PLCB1: variants seen among roughly 807,000 people sequenced by gnomAD.
The protein encoded by PLCB1 is phospholipase C beta 1, also known as 1-phosphatidylinositol 4,5-bisphosphate phosphodiesterase beta-1.
Under a neutral mutation model 161.8 loss-of-function variants are expected in PLCB1, and 46 were observed. That is an observed-to-expected ratio of 0.28 (90% CI 0.22 to 0.36). The LOEUF (loss-of-function observed/expected upper bound fraction) is 0.36, where lower values mean the gene tolerates loss of function less well. Ranked by LOEUF, PLCB1 falls within the 10% of genes least tolerant of loss-of-function variation. The pLI is 1.00. For missense variants in PLCB1, 1,016 were observed against 1,472.5 expected (o/e 0.69, Z 5.07); for synonymous variants, 517 against 503.7 (o/e 1.03, Z -0.35).
At chr20:8,620,676 C>A (rs6077394) in intron 3 of PLCB1, among the ~76,000 whole-genome samples, 10,156 of 147,612 alleles carry the variant, frequency 0.069, 778 homozygotes, top group African/African-American at 0.2. Context: ...GAGGTAGAGG[C>A]TGCAGTGAAC....
chr20:8,310,356 TG>T (rs1264461224), intron 2 of PLCB1, among the ~76,000 whole-genome samples: 1 of 152,360 alleles, frequency 6.6e-6, no homozygotes, highest in Admixed American at 6.5e-5. Flanking sequence ...GAAGTTCAAC[TG>T]TTAGTCCCAA....
chr20:8,875,485 ATATT>A (rs1236229271), intron 31 of PLCB1, among the ~76,000 whole-genome samples: 2 of 134,960 alleles, frequency 1.5e-5, no homozygotes, highest in Non-Finnish European at 3.2e-5. Flanking sequence ...ATATTATAAA[ATATT>A]TATATAACAT....
At chr20:8,747,897 G>T (rs572742899) in intron 23 of PLCB1, among the ~76,000 whole-genome samples, 63 of 152,016 alleles carry the variant, frequency 4.1e-4, no homozygotes, top group Non-Finnish European at 7.5e-4. Flanking sequence ...AAAAATCCAA[G>T]GTAGTGCTTT....
intron 3 of PLCB1, among the ~76,000 whole-genome samples, chr20:8,548,335 CTT>C (rs778317868): frequency 2.4e-4 from 23 of 94,804 alleles, no homozygotes; most frequent in East Asian, 4.9e-4. Flanking sequence ...TTTTCTTTCT[CTT>C]TGTTTCTTTC....
At chr20:8,821,514 T>C (rs1985402060) in intron 31 of PLCB1, among the ~76,000 whole-genome samples, 1 of 3,792 alleles carries the variant, frequency 2.6e-4, no homozygotes, top group Non-Finnish European at 4.4e-4. Flanking sequence ...TATATATATA[T>C]ATATATATAT....
intron 3 of PLCB1, among the ~76,000 whole-genome samples, chr20:8,388,207 T>TC (rs1425033766): frequency 6.6e-6 from 1 of 152,136 alleles, no homozygotes; most frequent in African/African-American, 2.4e-5. Flanking sequence ...TGCTTTTTTT[T>TC]CCCTTATATC....
intron 3 of PLCB1, among the ~76,000 whole-genome samples, chr20:8,374,578 T>C (rs1987013943): frequency 6.6e-6 from 1 of 152,152 alleles, no homozygotes; most frequent in African/African-American, 2.4e-5. Flanking sequence ...ATCAGAGAAT[T>C]GTATCAGGAT....
intron 2 of PLCB1, among the ~76,000 whole-genome samples, chr20:8,226,123 T>C (rs1367340577): frequency 6.6e-6 from 1 of 152,202 alleles, no homozygotes; most frequent in Non-Finnish European, 1.5e-5. Context: ...TCTGTGGTTA[T>C]TGAAAATTAA....
intron 1 of PLCB1, among the ~76,000 whole-genome samples, chr20:8,148,824 T>C (rs1429856563): frequency 6.6e-6 from 1 of 152,220 alleles, no homozygotes; most frequent in Non-Finnish European, 1.5e-5. Context: ...ATTTTACTTA[T>C]ATAACTACTT....
chr20:8,608,485 A>G (rs1229617988), intron 3 of PLCB1, among the ~76,000 whole-genome samples: 1 of 152,160 alleles, frequency 6.6e-6, no homozygotes, highest in Admixed American at 6.5e-5. Flanking sequence ...TTGCCTCAAA[A>G]CATACTTTAT....
chr20:8,620,758 A>G (rs1988158705), intron 3 of PLCB1, among the ~76,000 whole-genome samples: 1 of 150,506 alleles, frequency 6.6e-6, no homozygotes, highest in Non-Finnish European at 1.5e-5. Flanking sequence ...AAAAAAAAAA[A>G]AAAAAAAAAA....
At chr20:8,373,040 T>G (rs111933233) in intron 3 of PLCB1, among the ~76,000 whole-genome samples, 4 of 152,304 alleles carry the variant, frequency 2.6e-5, no homozygotes, top group African/African-American at 9.6e-5. Flanking sequence ...TGTGGTTTGA[T>G]AAATGTCTAC....
At chr20:8,356,764 T>C (rs1986374619) in intron 2 of PLCB1, among the ~76,000 whole-genome samples, 1 of 152,132 alleles carries the variant, frequency 6.6e-6, no homozygotes, top group African/African-American at 2.4e-5. Flanking sequence ...TGAAACACAG[T>C]AGGTTTTTAC....
At chr20:8,417,004 G>T (rs1288245054) in intron 3 of PLCB1, among the ~76,000 whole-genome samples, 9 of 100,160 alleles carry the variant, frequency 9.0e-5, no homozygotes, top group Admixed American at 1.3e-4. Flanking sequence ...TATATATGTA[G>T]TTTTAAATAC....
chr20:8,714,870 A>T (rs1979216230), intron 12 of PLCB1, among the ~76,000 whole-genome samples: 1 of 152,180 alleles, frequency 6.6e-6, no homozygotes, highest in South Asian at 2.1e-4. Context: ...AAAAAAATGA[A>T]TACAAAATAG....
intron 26 of PLCB1, among the ~76,000 whole-genome samples, chr20:8,769,306 G>C (rs1436605464): frequency 6.6e-6 from 1 of 151,290 alleles, no homozygotes; most frequent in East Asian, 1.9e-4. Context: ...GTTATTTGTG[G>C]TTTTAAAAAA....
chr20:8,763,407 C>T (rs867812493), intron 25 of PLCB1, among the ~76,000 whole-genome samples: 1 of 151,416 alleles, frequency 6.6e-6, no homozygotes, highest in South Asian at 2.1e-4. Context: ...TATTTAGAGA[C>T]AAGAGTCTAA....
intron 2 of PLCB1, among the ~76,000 whole-genome samples, chr20:8,239,422 A>C (rs1474581): frequency 0.41 from 61,611 of 151,764 alleles, 13,722 homozygotes; most frequent in East Asian, 0.68. Flanking sequence ...CGGTGTAAGG[A>C]ATAGGCACCA....
intron 2 of PLCB1, among the ~76,000 whole-genome samples, chr20:8,317,374 A>G (rs1453848581): frequency 6.6e-6 from 1 of 152,060 alleles, no homozygotes; most frequent in Non-Finnish European, 1.5e-5. Context: ...TATTTATTTT[A>G]GCAACATCCA....
Sources: allele counts gnomAD v4.1 joint callset (sites outside exome capture counted in the v4.1 genomes callset), GRCh38; gene constraint gnomAD v4.1.1; transcripts MANE v1.5; gene names NCBI Gene and HGNC (gene_info 2026-07-23, HGNC 2026-07-21).